The following RBFOX3 variants were observed in gnomAD, a reference collection of about 807,000 sequenced individuals.
The protein encoded by RBFOX3 is RNA binding fox-1 homolog 3, also known as RNA binding protein fox-1 homolog 3.
A neutral mutation model predicts 48.7 loss-of-function variants in RBFOX3; 17 were observed. The ratio of observed to expected loss-of-function variants is 0.35; its 90% CI spans 0.24 to 0.52. The LOEUF (loss-of-function observed/expected upper bound fraction) is 0.52. Among genes scored for constraint, RBFOX3 ranks in the 20% least tolerant of loss-of-function variants. The pLI is 0.94. For synonymous variants in RBFOX3, 212 were observed against 209.5 expected (o/e 1.01, Z -0.10); for missense variants, 382 against 497.5 (o/e 0.77, Z 2.21).
At chr17:79,143,386 G>C (rs996597873) in intron 4 of RBFOX3, among the ~76,000 whole-genome samples, 2 of 142,078 alleles carry the variant, frequency 1.4e-5, no homozygotes, top group East Asian at 2.4e-4. Context: ...GGGGTGGGGG[G>C]GGGTTCTATA....
chr17:79,563,929 A>G (rs2092354077), intron 1 of RBFOX3, among the ~76,000 whole-genome samples: 1 of 152,236 alleles, frequency 6.6e-6, no homozygotes, highest in African/African-American at 2.4e-5. Flanking sequence ...CAACAAGAAT[A>G]ATGATTCTAA....
chr17:79,100,013 T>G (rs528736611), intron 9 of RBFOX3: 14 of 152,342 alleles, frequency 9.2e-5, no homozygotes, highest in African/African-American at 3.4e-4. Context: ...CCCAGGCTGA[T>G]GAAGAGATTG....
At chr17:79,368,997 C>T (rs4790018) in intron 2 of RBFOX3, among the ~76,000 whole-genome samples, 83,767 of 151,980 alleles carry the variant, frequency 0.55, 23,567 homozygotes, top group Admixed American at 0.67. Flanking sequence ...ACTCGCTCAC[C>T]GCCGCCTGCT....
the RBFOX3 span, among the ~76,000 whole-genome samples, chr17:79,624,561 G>C: frequency 6.6e-6 from 1 of 152,128 alleles, no homozygotes; most frequent in Non-Finnish European, 1.5e-5. Context: ...CAGCAAGTCC[G>C]AACTAAATCC....
chr17:79,332,229 A>G (rs1409953705), intron 2 of RBFOX3, among the ~76,000 whole-genome samples: 1 of 152,120 alleles, frequency 6.6e-6, no homozygotes, highest in Non-Finnish European at 1.5e-5. Flanking sequence ...CAAATTGGAG[A>G]TCACTCCAGG....
At chr17:79,101,066 C>T (rs749361599) in intron 9 of RBFOX3, among the ~76,000 whole-genome samples, 5 of 152,146 alleles carry the variant, frequency 3.3e-5, no homozygotes, top group South Asian at 2.1e-4. Flanking sequence ...CATTTGTCAT[C>T]GAACAGCTCT....
At chr17:79,127,141 C>T (rs140151752) in intron 4 of RBFOX3, among the ~76,000 whole-genome samples, 22 of 152,342 alleles carry the variant, frequency 1.4e-4, no homozygotes, top group African/African-American at 4.1e-4. Flanking sequence ...GATCTGAATC[C>T]GGGCCAGCCT....
At chr17:79,512,739 CGGGTA>C in intron 1 of RBFOX3, among the ~76,000 whole-genome samples, 11 of 147,934 alleles carry the variant, frequency 7.4e-5, no homozygotes, top group Admixed American at 1.3e-4. Context: ...GTGTTACCAT[CGGGTA>C]CGGCCCCATG....
At position 79,394,574 on chromosome 17, in the gene RBFOX3, G is replaced by A. The variant is rs150616700; in HGVS notation, c.-174-86750C>T. On this transcript the variant is annotated intron_variant, in intron 2 of 14. Transcript: ENST00000693108. The stretch of plus-strand genomic sequence containing the variant: ...AGGAGGCTGACAGTCAAGGCAGCAC[G>A]CACAGTCCTCCCAGCGAGATGAGCA... Among the ~76,000 whole-genome samples the A allele has an allele frequency of 4.1e-3, 619 of 152,318 alleles. 7 individuals carry two copies. Among genetic ancestry groups the A allele is most frequent in the African/African-American group, 0.014 (583 of 41,560 alleles).
At chr17:79,322,627 A>G (rs8064971) in intron 2 of RBFOX3, among the ~76,000 whole-genome samples, 84,614 of 152,010 alleles carry the variant, frequency 0.56, 23,860 homozygotes, top group Non-Finnish European at 0.61. Flanking sequence ...GGGGGTACAG[A>G]GGAGACACAG....
chr17:79,112,918 G>GGGGGGGGGGGGGGGC (rs2032478069), intron 5 of RBFOX3, among the ~76,000 whole-genome samples: 1 of 86,486 alleles, frequency 1.2e-5, no homozygotes, highest in Admixed American at 1.2e-4. Context: ...GGGGGGGTGG[G>GGGGGGGGGGGGGGGC]CTGGGTAGGA....
chr17:79,321,898 G>T (rs891918830), intron 2 of RBFOX3, among the ~76,000 whole-genome samples: 19 of 152,092 alleles, frequency 1.2e-4, no homozygotes, highest in Non-Finnish European at 2.5e-4. Flanking sequence ...TACAGATGGG[G>T]TTTCACCATG....
intron 1 of RBFOX3, among the ~76,000 whole-genome samples, chr17:79,579,541 G>C (rs1320660142): frequency 6.6e-6 from 1 of 152,184 alleles, no homozygotes; most frequent in Non-Finnish European, 1.5e-5. Context: ...GCTGTGGAGA[G>C]GAGAGCATCC....
At chr17:79,138,824 C>G (rs1443808864) in intron 4 of RBFOX3, among the ~76,000 whole-genome samples, 1 of 134,180 alleles carries the variant, frequency 7.5e-6, no homozygotes, top group Non-Finnish European at 1.5e-5. Flanking sequence ...TTCACACCCC[C>G]TCACCCACAC....
intron 1 of RBFOX3, among the ~76,000 whole-genome samples, chr17:79,586,519 C>T (rs1340600277): frequency 6.6e-6 from 1 of 152,254 alleles, no homozygotes; most frequent in Non-Finnish European, 1.5e-5. Context: ...CAGTCGCTGA[C>T]TGGTACCCCC....
chr17:79,233,183 T>A (rs1313490982), intron 4 of RBFOX3, among the ~76,000 whole-genome samples: 2 of 152,182 alleles, frequency 1.3e-5, no homozygotes, highest in Non-Finnish European at 2.9e-5. Context: ...AGGAGAAAAG[T>A]ATATCTATGT....
chr17:79,536,464 A>T (rs1231166051), intron 1 of RBFOX3, among the ~76,000 whole-genome samples: 1 of 152,248 alleles, frequency 6.6e-6, no homozygotes, highest in Non-Finnish European at 1.5e-5. Flanking sequence ...AGCACCATGG[A>T]AGCCTGAACA....
chr17:79,302,190 T>C (rs1423858484), intron 3 of RBFOX3, among the ~76,000 whole-genome samples: 1 of 152,242 alleles, frequency 6.6e-6, no homozygotes, highest in East Asian at 1.9e-4. Context: ...TGCCGGGCAC[T>C]GTGCTGATTC....
At chr17:79,656,755 AAGGAAGGAAG>A in the RBFOX3 span, among the ~76,000 whole-genome samples, 1 of 16,970 alleles carries the variant, frequency 5.9e-5, no homozygotes, top group Non-Finnish European at 1.6e-4. Flanking sequence ...AGAAAGAAGG[AAGGAAGGAAG>A]GAAGGAAGGA....
Sources: allele counts gnomAD v4.1 joint callset (sites outside exome capture counted in the v4.1 genomes callset), GRCh38; gene constraint gnomAD v4.1.1; transcripts MANE v1.5; gene names NCBI Gene and HGNC (gene_info 2026-07-23, HGNC 2026-07-21).